Variants in TRPC5 observed in about 807,000 individuals in gnomAD.
TRPC5 encodes short transient receptor potential channel 5.
TRPC5 carries 9 observed loss-of-function variants against 56.5 expected under a neutral mutation model. That is an observed-to-expected ratio of 0.16 (90% CI 0.10 to 0.28). The LOEUF is 0.28. TRPC5 is among the 10% of genes least tolerant of loss of function. The probability of loss-of-function intolerance (pLI) is 1.00; values close to 1 mark genes in which losing one functional copy is unlikely to be tolerated. For synonymous variants in TRPC5, 282 were observed against 278.5 expected (o/e 1.01, Z -0.13); for missense variants, 469 against 748.9 (o/e 0.63, Z 4.36).
chrX:112,022,966 G>A (rs1929309758), intron 1 of TRPC5, among the ~76,000 whole-genome samples: 1 of 110,290 alleles, frequency 9.1e-6, no homozygotes, highest in Non-Finnish European at 1.9e-5. Flanking sequence ...ACGGAGTCTC[G>A]CCCTGTCACC....
chrX:112,014,881 G>C (rs1456741197), intron 1 of TRPC5, among the ~76,000 whole-genome samples: 1 of 111,292 alleles, frequency 9.0e-6, no homozygotes, highest in Non-Finnish European at 1.9e-5. Context: ...CTAATGCCTA[G>C]GCCCCATACC....
intron 2 of TRPC5, among the ~76,000 whole-genome samples, chrX:111,933,586 C>G (rs773645634): frequency 5.4e-5 from 6 of 111,620 alleles, no homozygotes; most frequent in South Asian, 3.8e-4. Context: ...AACAAAAAAA[C>G]AAACAAAAAC....
At chrX:111,836,017 C>T (rs914009049) in intron 6 of TRPC5, among the ~76,000 whole-genome samples, 15 of 111,382 alleles carry the variant, frequency 1.3e-4, no homozygotes, top group African/African-American at 4.6e-4. Context: ...TTACTGATGA[C>T]GAAACAGAGA....
At chrX:112,065,573 G>A (rs1397846393) in intron 1 of TRPC5, among the ~76,000 whole-genome samples, 1 of 111,944 alleles carries the variant, frequency 8.9e-6, no homozygotes, top group East Asian at 2.8e-4. Flanking sequence ...AAATTTGATT[G>A]TCATAACTTT....
intron 7 of TRPC5, among the ~76,000 whole-genome samples, chrX:111,789,279 A>C (rs1031337193): frequency 4.5e-5 from 5 of 111,884 alleles, no homozygotes; most frequent in African/African-American, 1.6e-4. Context: ...CAACCATCTG[A>C]TCTTTGACAA....
chrX:112,065,094 CA>C (rs1198989660), intron 1 of TRPC5, among the ~76,000 whole-genome samples: 2 of 102,839 alleles, frequency 1.9e-5, no homozygotes, highest in Non-Finnish European at 4.0e-5. Context: ...AAAAAAAAAA[CA>C]AAAAGGTTAT....
At chrX:111,981,832 A>G (rs1328761352) in intron 1 of TRPC5, among the ~76,000 whole-genome samples, 1 of 112,107 alleles carries the variant, frequency 8.9e-6, no homozygotes, top group Non-Finnish European at 1.9e-5. Context: ...TGCTTAATAT[A>G]TATAAACACA....
intron 1 of TRPC5, among the ~76,000 whole-genome samples, chrX:111,961,487 G>A (rs1472594219): frequency 8.9e-6 from 1 of 111,822 alleles, no homozygotes; most frequent in Non-Finnish European, 1.9e-5. Flanking sequence ...GTGAGATTGA[G>A]ATAGTATGCT....
intron 7 of TRPC5, among the ~76,000 whole-genome samples, chrX:111,829,398 G>A (rs1276559289): frequency 1.8e-5 from 2 of 110,434 alleles, no homozygotes; most frequent in Non-Finnish European, 3.8e-5. Context: ...ATTCAAGCCA[G>A]CTGGATAAAT....
chrX:111,820,420 G>A (rs754634873), intron 7 of TRPC5, among the ~76,000 whole-genome samples: 2 of 112,011 alleles, frequency 1.8e-5, no homozygotes, highest in African/African-American at 6.5e-5. Flanking sequence ...AATTTGGACT[G>A]TCACCTGGTT....
At chrX:111,972,758 T>C (rs2148649196) in intron 1 of TRPC5, among the ~76,000 whole-genome samples, 1 of 112,371 alleles carries the variant, frequency 8.9e-6, no homozygotes, top group Non-Finnish European at 1.9e-5. Context: ...AAAAATATTA[T>C]CTTGAACTCA....
At chrX:111,944,270 G>A (rs12391681) in intron 2 of TRPC5, among the ~76,000 whole-genome samples, 41 of 46,450 alleles carry the variant, frequency 8.8e-4, no homozygotes, top group African/African-American at 8.0e-3. Flanking sequence ...GTAGAAGAGT[G>A]TGTGTGTGTG....
chrX:111,801,211 G>A (rs1400293969), intron 7 of TRPC5, among the ~76,000 whole-genome samples: 1 of 111,970 alleles, frequency 8.9e-6, no homozygotes, highest in Admixed American at 9.5e-5. Flanking sequence ...CACCAATTTT[G>A]TAACGTGTCG....
chrX:112,051,158 T>C (rs1436139826), intron 1 of TRPC5, among the ~76,000 whole-genome samples: 2 of 112,537 alleles, frequency 1.8e-5, no homozygotes, highest in African/African-American at 6.5e-5. Flanking sequence ...ATATTTCTTG[T>C]CTGCATTGAT....
At chrX:112,066,422 C>T (rs1197805908) in intron 1 of TRPC5, among the ~76,000 whole-genome samples, 1 of 111,705 alleles carries the variant, frequency 9.0e-6, no homozygotes, top group East Asian at 2.8e-4. Context: ...CTTCATGGTG[C>T]CTACCATCAA....
intron 7 of TRPC5, among the ~76,000 whole-genome samples, chrX:111,804,122 A>G (rs765666834): frequency 2.5e-4 from 28 of 111,919 alleles, no homozygotes; most frequent in African/African-American, 7.1e-4. Context: ...TTTCCCCATT[A>G]CTTGTTTTTG....
chrX:112,031,867 T>A (rs116161623), intron 1 of TRPC5, among the ~76,000 whole-genome samples: 191 of 98,718 alleles, frequency 1.9e-3, no homozygotes, highest in African/African-American at 7.8e-3. Context: ...CTAGGTAATA[T>A]TCCATTGTAT....
chrX:111,923,757 T>G (rs747692402), intron 2 of TRPC5, among the ~76,000 whole-genome samples: 22 of 111,671 alleles, frequency 2.0e-4, no homozygotes, highest in Non-Finnish European at 3.8e-4. Context: ...GAAAATGATG[T>G]GATGAATCAA....
At chrX:111,784,515 A>G (rs1212079810) in intron 7 of TRPC5, among the ~76,000 whole-genome samples, 1 of 111,574 alleles carries the variant, frequency 9.0e-6, no homozygotes, top group Admixed American at 9.5e-5. Flanking sequence ...GACACAGAAG[A>G]CAGATGATTT....
Sources: gnomAD v4.1 joint callset for allele counts (sites outside exome capture counted in the v4.1 genomes callset) on GRCh38, gnomAD v4.1.1 for gene constraint, MANE v1.5 for transcripts, NCBI Gene and HGNC (gene_info 2026-07-23, HGNC 2026-07-21) for gene names.